Variants in NCAM1 observed in about 807,000 individuals in gnomAD.
The protein encoded by NCAM1 is neural cell adhesion molecule 1, also known as antigen recognized by monoclonal antibody 5.1H11.
Under a neutral mutation model 109.8 loss-of-function variants are expected in NCAM1, and 14 were observed. That is an observed-to-expected ratio of 0.13 (90% confidence interval 0.08 to 0.20). NCAM1 has a LOEUF of 0.20. NCAM1 is among the 10% of genes least tolerant of loss of function. NCAM1 has a pLI of 1.00. For missense variants in NCAM1, 774 were observed against 1,109.9 expected (o/e 0.70, Z 4.30); for synonymous variants, 418 against 442.9 (o/e 0.94, Z 0.70).
At chr11:113,188,549 C>T (rs1943580829) in intron 1 of NCAM1, among the ~76,000 whole-genome samples, 1 of 152,154 alleles carries the variant, frequency 6.6e-6, no homozygotes, top group Admixed American at 6.5e-5. Context: ...TAAATCTGTT[C>T]AGATTGATAC....
chr11:113,263,509 G>A, intron 17 of NCAM1: 1 of 985,706 alleles, frequency 1.0e-6, no homozygotes, highest in Non-Finnish European at 1.2e-6. Flanking sequence ...CCATGCACTG[G>A]AAAAAAAGTT....
intron 1 of NCAM1, among the ~76,000 whole-genome samples, chr11:113,010,036 A>C (rs1952007807): frequency 6.6e-6 from 1 of 152,222 alleles, no homozygotes; most frequent in Non-Finnish European, 1.5e-5. Flanking sequence ...TCTTGAAAAA[A>C]AAAAAAGAAC....
At chr11:113,197,203 G>A (rs906319571) in intron 1 of NCAM1, 28 of 269,026 alleles carry the variant, frequency 1.0e-4, no homozygotes, top group African/African-American at 4.7e-4. Context: ...ATTACAATTC[G>A]TGATGAGATT....
At chr11:113,200,069 T>A (rs1032354400) in intron 1 of NCAM1, among the ~76,000 whole-genome samples, 3 of 152,142 alleles carry the variant, frequency 2.0e-5, no homozygotes, top group Non-Finnish European at 4.4e-5. Flanking sequence ...GATAAGAATA[T>A]CCTTCTCAAA....
At chr11:113,141,926 G>A (rs1941844474) in intron 1 of NCAM1, among the ~76,000 whole-genome samples, 1 of 152,142 alleles carries the variant, frequency 6.6e-6, no homozygotes, top group Admixed American at 6.5e-5. Flanking sequence ...TGGAACAATT[G>A]CGACCTCTTT....
chr11:113,188,971 G>A (rs549342928), intron 1 of NCAM1, among the ~76,000 whole-genome samples: 1 of 152,220 alleles, frequency 6.6e-6, no homozygotes, highest in South Asian at 2.1e-4. Context: ...CTCCAGAAAA[G>A]GCATTTGTTC....
chr11:113,054,974 T>G (rs1245176355), intron 1 of NCAM1, among the ~76,000 whole-genome samples: 1 of 152,180 alleles, frequency 6.6e-6, no homozygotes, highest in East Asian at 1.9e-4. Context: ...GCGACCTGGC[T>G]GGAGAATGGC....
intron 13 of NCAM1, among the ~76,000 whole-genome samples, chr11:113,234,226 G>T (rs1945094770): frequency 1.3e-5 from 2 of 149,876 alleles, no homozygotes; most frequent in South Asian, 4.3e-4. Flanking sequence ...TTTGTGGCAG[G>T]TTGATCTCAT....
intron 1 of NCAM1, among the ~76,000 whole-genome samples, chr11:113,125,272 T>C (rs1364134250): frequency 3.9e-5 from 6 of 152,228 alleles, no homozygotes; most frequent in Admixed American, 2.6e-4. Context: ...CGGTTTCCAC[T>C]GTTACACCTA....
intron 15 of NCAM1, among the ~76,000 whole-genome samples, chr11:113,250,104 G>A (rs575992233): frequency 6.6e-6 from 1 of 152,154 alleles, no homozygotes; most frequent in Non-Finnish European, 1.5e-5. Context: ...AAGAGAAAAG[G>A]GTTCAGGGAA....
chr11:113,251,410 A>G (rs1375062614), intron 15 of NCAM1, among the ~76,000 whole-genome samples: 2 of 152,182 alleles, frequency 1.3e-5, no homozygotes, highest in Non-Finnish European at 2.9e-5. Context: ...ATGGCCAGAA[A>G]TATACATTTC....
chr11:112,974,915 G>GACCT (rs1261013617), intron 1 of NCAM1, among the ~76,000 whole-genome samples: 4 of 151,900 alleles, frequency 2.6e-5, no homozygotes, highest in Non-Finnish European at 4.4e-5. Context: ...ACCCACTGAT[G>GACCT]ACCTATCTCC....
chr11:113,212,707 CTTTTA>C (rs1205961244), intron 7 of NCAM1, among the ~76,000 whole-genome samples: 11 of 152,270 alleles, frequency 7.2e-5, no homozygotes, highest in African/African-American at 2.6e-4. Flanking sequence ...CTTTACCTTT[CTTTTA>C]TTTTATTAAC....
chr11:113,185,934 A>T (rs890789124), intron 1 of NCAM1, among the ~76,000 whole-genome samples: 1 of 152,214 alleles, frequency 6.6e-6, no homozygotes, highest in Admixed American at 6.5e-5. Context: ...TCTGGAGGTG[A>T]TTCTTAACCA....
chr11:113,068,912 G>A (rs1938118058), intron 1 of NCAM1, among the ~76,000 whole-genome samples: 1 of 152,202 alleles, frequency 6.6e-6, no homozygotes, highest in South Asian at 2.1e-4. Flanking sequence ...CACCAATGGA[G>A]AGAAGGGGTA....
chr11:113,222,228 A>G (rs781839186), intron 9 of NCAM1, among the ~76,000 whole-genome samples: 1 of 152,234 alleles, frequency 6.6e-6, no homozygotes, highest in Non-Finnish European at 1.5e-5. Flanking sequence ...GTAATGCTAT[A>G]AATGCAGAAC....
At chr11:113,136,710 G>A (rs1033310554) in intron 1 of NCAM1, among the ~76,000 whole-genome samples, 3 of 152,166 alleles carry the variant, frequency 2.0e-5, no homozygotes, top group Non-Finnish European at 1.5e-5. Flanking sequence ...TCTGAGGCCA[G>A]GAATTGGCTT....
chr11:113,052,400 T>C (rs1555081948), intron 1 of NCAM1, among the ~76,000 whole-genome samples: 1 of 152,202 alleles, frequency 6.6e-6, no homozygotes, highest in Non-Finnish European at 1.5e-5. Context: ...GACTTGAATT[T>C]CTATTTTCTG....
intron 1 of NCAM1, among the ~76,000 whole-genome samples, chr11:113,001,329 G>C (rs1951750607): frequency 6.6e-6 from 1 of 152,166 alleles, no homozygotes; most frequent in East Asian, 1.9e-4. Context: ...AGGAATTACT[G>C]GATGTAAGAG....
Sources: allele counts gnomAD v4.1 joint callset (sites outside exome capture counted in the v4.1 genomes callset), GRCh38; gene constraint gnomAD v4.1.1; transcripts MANE v1.5; gene names NCBI Gene and HGNC (gene_info 2026-07-23, HGNC 2026-07-21).